Variants in ANKS1B observed in about 807,000 individuals in gnomAD.
ANKS1B encodes the protein ankyrin repeat and sterile alpha motif domain containing 1B.
In ANKS1B, 36 loss-of-function variants were observed where a neutral mutation model predicts 148.3. That is an observed-to-expected ratio of 0.24 (90% CI 0.19 to 0.32). The LOEUF is 0.32. Ranked by LOEUF, ANKS1B falls within the 10% of genes least tolerant of loss-of-function variation. The pLI is 1.00. For missense variants in ANKS1B, 1,157 were observed against 1,542.6 expected, an observed-to-expected ratio of 0.75 and a Z score of 4.19; for synonymous variants, 542 against 560.8, an observed-to-expected ratio of 0.97 and a Z score of 0.47.
At chr12:99,860,061 T>C (rs1169348302) in intron 1 of ANKS1B, among the ~76,000 whole-genome samples, 1 of 152,250 alleles carries the variant, frequency 6.6e-6, no homozygotes, top group Non-Finnish European at 1.5e-5. Flanking sequence ...TGGGAAATAC[T>C]ACTTGAGATA....
At chr12:99,272,818 T>C (rs544241966) in intron 12 of ANKS1B, among the ~76,000 whole-genome samples, 23 of 152,354 alleles carry the variant, frequency 1.5e-4, no homozygotes, top group African/African-American at 4.6e-4. Context: ...TTTGAAGATA[T>C]GCTTTTATTT....
intron 1 of ANKS1B, among the ~76,000 whole-genome samples, chr12:99,858,783 A>G (rs1457045888): frequency 6.6e-6 from 1 of 152,094 alleles, no homozygotes; most frequent in Non-Finnish European, 1.5e-5. Flanking sequence ...GGAATGAAAA[A>G]CCAGACACTA....
chr12:99,255,994 G>C lies in ANKS1B; in HGVS notation c.1757-9130C>G, dbSNP rs552699303. Among the ~76,000 whole-genome samples the C allele has an allele frequency of 2.1e-3, 320 of 152,186 alleles. 2 individuals are homozygous for C. Among genetic ancestry groups the C allele is most frequent in the South Asian group, 9.5e-3 (46 of 4,822 alleles). ...CTCTTAAACTCTTCCATTGAGTGAG[G>C]TGTGTTGAAACCTAATTTTAGCAGA... On this transcript the variant is annotated intron_variant, in intron 12 of 26. Coordinates refer to ENST00000683438, the MANE Select transcript of ANKS1B (RefSeq NM_001352186.2).
At chr12:99,152,714 T>G (rs764813120) in intron 15 of ANKS1B, among the ~76,000 whole-genome samples, 1 of 152,072 alleles carries the variant, frequency 6.6e-6, no homozygotes, top group Non-Finnish European at 1.5e-5. Context: ...CAGAATAAAT[T>G]TGGACAAGGG....
intron 1 of ANKS1B, among the ~76,000 whole-genome samples, chr12:99,941,155 C>T (rs973704577): frequency 4.6e-5 from 7 of 151,904 alleles, no homozygotes; most frequent in East Asian, 3.9e-4. Flanking sequence ...GAGGACAAAT[C>T]GCTCAATTTG....
chr12:98,988,902 T>G (rs186616716), intron 17 of ANKS1B, among the ~76,000 whole-genome samples: 87 of 152,338 alleles, frequency 5.7e-4, no homozygotes, highest in African/African-American at 2.0e-3. Context: ...TATATGTTCT[T>G]TGGAGAAATG....
chr12:99,186,344 G>A (rs909537855), intron 14 of ANKS1B, among the ~76,000 whole-genome samples: 4 of 152,308 alleles, frequency 2.6e-5, no homozygotes, highest in South Asian at 4.1e-4. Flanking sequence ...GCCTGCCAGC[G>A]CTGAAGAGAG....
chr12:98,967,652 G>GGGAGGGGAGGGAAGAGT (rs1472953275), intron 17 of ANKS1B, among the ~76,000 whole-genome samples: 1 of 115,506 alleles, frequency 8.7e-6, no homozygotes, highest in Non-Finnish European at 1.7e-5. Flanking sequence ...GAGGGAAGAG[G>GGGAGGGGAGGGAAGAGT]AGGGGAGAGG....
At chr12:99,325,070 C>T (rs945965852) in intron 12 of ANKS1B, among the ~76,000 whole-genome samples, 1 of 152,092 alleles carries the variant, frequency 6.6e-6, no homozygotes, top group Non-Finnish European at 1.5e-5. Context: ...CAATGATGGA[C>T]TGTATACACG....
chr12:99,804,552 A>G (rs1275190310), intron 4 of ANKS1B, among the ~76,000 whole-genome samples: 1 of 152,214 alleles, frequency 6.6e-6, no homozygotes, highest in Non-Finnish European at 1.5e-5. Context: ...ATTTTTCTAA[A>G]TTCAATAAAG....
chr12:98,873,747 C>A (rs1285556286), intron 17 of ANKS1B, among the ~76,000 whole-genome samples: 1 of 152,182 alleles, frequency 6.6e-6, no homozygotes, highest in Non-Finnish European at 1.5e-5. Flanking sequence ...GGATACCCCA[C>A]TGAAAAAAGA....
rs1052533165 is a variant in ANKS1B, at chr12:99,225,169, A to G, written c.2419+19173T>C. Among the ~76,000 whole-genome samples, 46 of 152,222 alleles carry G rather than the reference A, an allele frequency of 3.0e-4. 1 individual carries two copies. The highest frequency in any genetic ancestry group is 2.9e-3 in the Admixed American group (44 of 15,282). On this transcript the variant is annotated intron_variant, in intron 14 of 26. Transcript: ENST00000683438. ...CCCCCTTTCCCTGAATTCTAATGAAAGCATTGTTCCAAATCTATTACAGCT... is the reference window on the plus strand; with the variant it reads ...CCCCCTTTCCCTGAATTCTAATGAAGGCATTGTTCCAAATCTATTACAGCT...
At chr12:99,568,334 T>C (rs899058341) in intron 9 of ANKS1B, among the ~76,000 whole-genome samples, 15 of 152,188 alleles carry the variant, frequency 9.9e-5, no homozygotes, top group African/African-American at 3.6e-4. Context: ...CTTCATCTTA[T>C]TAGGACACTT....
chr12:99,304,078 T>C (rs533109731), intron 12 of ANKS1B, among the ~76,000 whole-genome samples: 1 of 152,172 alleles, frequency 6.6e-6, no homozygotes, highest in Non-Finnish European at 1.5e-5. Flanking sequence ...TAAACATGCA[T>C]GTGCAAGTGT....
intron 16 of ANKS1B, among the ~76,000 whole-genome samples, chr12:99,070,174 C>T (rs545865729): frequency 2.6e-5 from 4 of 152,166 alleles, no homozygotes; most frequent in South Asian, 4.2e-4. Context: ...TCTTGGGGAA[C>T]GTGTATTCTT....
At position 99,387,051 on chromosome 12, in the gene ANKS1B, T is replaced by C. The variant is rs535300049; in HGVS notation, c.1756+12580A>G. 2.6e-5 allele frequency among the ~76,000 whole-genome samples: 4 copies of C among 152,314 alleles called. No individual in the cohort carries two copies. The South Asian group carries it at 8.3e-4, about 32-fold the overall frequency. On this transcript the variant is annotated intron_variant, in intron 12 of 26. Coordinates refer to ENST00000683438, the MANE Select transcript of ANKS1B (RefSeq NM_001352186.2). ...CTTTATTTGAGACATGGTCCCTGCATTTAAGGAGCTCACAGACATGTAAAT... is the reference window on the plus strand; with the variant it reads ...CTTTATTTGAGACATGGTCCCTGCACTTAAGGAGCTCACAGACATGTAAAT...
chr12:99,508,062 T>C (rs1028232106), intron 9 of ANKS1B, among the ~76,000 whole-genome samples: 1 of 151,898 alleles, frequency 6.6e-6, no homozygotes, highest in Non-Finnish European at 1.5e-5. Flanking sequence ...ACTGTATGCT[T>C]TCAAACTTTA....
intron 10 of ANKS1B, among the ~76,000 whole-genome samples, chr12:99,461,933 A>T (rs996660160): frequency 6.6e-6 from 1 of 152,162 alleles, no homozygotes; most frequent in African/African-American, 2.4e-5. Context: ...CACTACATCT[A>T]TTGTTTAATC....
chr12:99,404,618 A>G (rs1567037391), intron 11 of ANKS1B, among the ~76,000 whole-genome samples: 1 of 145,594 alleles, frequency 6.9e-6, no homozygotes, highest in Non-Finnish European at 1.5e-5. Flanking sequence ...ACAAAAGAAA[A>G]AAGAATAAAA....
Sources: gnomAD v4.1 joint callset for allele counts (sites outside exome capture counted in the v4.1 genomes callset) on GRCh38, gnomAD v4.1.1 for gene constraint, MANE v1.5 for transcripts, NCBI Gene and HGNC (gene_info 2026-07-23, HGNC 2026-07-21) for gene names.